The following PUF60 variants were observed in gnomAD, a reference collection of about 807,000 sequenced individuals.
PUF60 encodes the protein poly(U)-binding-splicing factor PUF60.
A neutral mutation model predicts 61.8 loss-of-function variants in PUF60; 10 were observed. The ratio of observed to expected loss-of-function variants is 0.16; its 90% CI spans 0.10 to 0.27. The LOEUF (loss-of-function observed/expected upper bound fraction) is 0.27. Among genes scored for constraint, PUF60 ranks in the 10% least tolerant of loss-of-function variants. The probability of loss-of-function intolerance (pLI) is 1.00; values close to 1 mark genes in which losing one functional copy is unlikely to be tolerated. For synonymous variants in PUF60, 353 were observed against 300.9 expected (o/e 1.17, Z -1.79); for missense variants, 371 against 754.0 (o/e 0.49, Z 5.95).
intron 1 of PUF60, chr8:143,827,671 A>C: frequency 3.1e-6 from 1 of 325,508 alleles, no homozygotes; most frequent in Non-Finnish European, 6.1e-6. Flanking sequence ...GCTACAGCTC[A>C]CTCCTGGAGC....
Position 143,821,485 on chromosome 8 carries a change from G to A in PUF60, c.297+112C>T, listed in dbSNP as rs1817013327. On this transcript the variant is annotated intron_variant, in intron 4 of 11. Transcript: ENST00000526683. ...CGAGCATGAGTCTTTGAGAATCGGA[G>A]CACTGTAACAGCTTGCGGGGACGGC... 4 of 984,366 alleles carry A rather than the reference G, an allele frequency of 4.1e-6. No homozygotes were observed. The East Asian group carries it at 1.0e-4, about 26-fold the overall frequency. 61.0% of individuals were successfully genotyped at this position (984,366 alleles called of 1,614,324 possible). A position where few individuals can be genotyped will look rare whatever the true frequency, so the allele number is the denominator to read the frequency against.
At position 143,818,124 on chromosome 8, in the gene PUF60, C is replaced by A. The variant is rs1261113096; in HGVS notation, c.604-49G>T. 1 of 1,603,632 alleles carries A rather than the reference C, an allele frequency of 6.2e-7. No individual in the cohort carries two copies. Among genetic ancestry groups the A allele is most frequent in the East Asian group, 2.2e-5 (1 of 44,580 alleles). ...AAAGACCGGTCAACCCAGGCCCGGC[C>A]ACAAAAGGCTTCCGTGGAGGGGCAG... On this transcript the variant is annotated intron_variant, in intron 7 of 11. Transcript: ENST00000526683. The surrounding 1 kb of genome is among the most constrained non-coding windows in gnomAD (Gnocchi z 7.9).
At chr8:143,826,159 C>G (rs1817613702) in intron 1 of PUF60, among the ~76,000 whole-genome samples, 1 of 152,238 alleles carries the variant, frequency 6.6e-6, no homozygotes, top group Non-Finnish European at 1.5e-5. Flanking sequence ...CCCCCAGCAC[C>G]AGGCAGCAGT....
At chr8:143,822,670 AC>A in intron 2 of PUF60, 1 of 426,220 alleles carries the variant, frequency 2.3e-6, no homozygotes, top group South Asian at 1.6e-5. Flanking sequence ...GCCACTGCAG[AC>A]CCAAGCTGAT....
Position 143,816,347 on chromosome 8 carries a change from G to A in PUF60, c.*173C>T. 1.4e-6 allele frequency: 1 copy of A among 717,156 alleles called. No individual in the cohort carries two copies. The highest frequency in any genetic ancestry group is 2.2e-6 in the Non-Finnish European group (1 of 444,450). The allele number at this position is 717,156 out of a possible 1,614,324, so 44.4% of individuals were successfully genotyped here. ...CCCTAAGGACACACGCCCAGGATCG[G>A]TGACAGGACCGACGGCAGACACACG... is the stretch of plus-strand genomic sequence containing the variant. On this transcript the variant is annotated 3_prime_UTR_variant, in exon 12 of 12. Transcript: ENST00000526683.
chr8:143,817,202 A>G lies in PUF60; in HGVS notation c.1145-57T>C. ...CTCCCTACCACCCCCCTTCCCAGAA[A>G]GGCACAGAGCTGGCCTGCCCTGGGC... On this transcript the variant is annotated intron_variant, in intron 10 of 11. Coordinates refer to ENST00000526683, the MANE Select transcript of PUF60 (RefSeq NM_078480.3). The surrounding 1 kb of genome is among the most constrained non-coding windows in gnomAD (Gnocchi z 7.4). 1.3e-6 allele frequency: 2 copies of G among 1,532,756 alleles called. No individual in the cohort carries two copies. The highest frequency in any genetic ancestry group is 1.8e-6 in the Non-Finnish European group (2 of 1,137,130). The allele number at this position is 1,532,756 out of a possible 1,614,324, so 94.9% of individuals were successfully genotyped here. A position where few individuals can be genotyped will look rare whatever the true frequency, so the allele number is the denominator to read the frequency against.
chr8:143,828,399 G>A (rs1817883759), intron 1 of PUF60, among the ~76,000 whole-genome samples: 1 of 152,202 alleles, frequency 6.6e-6, no homozygotes, highest in Admixed American at 6.5e-5. Flanking sequence ...GTCCAAAAGG[G>A]GATTAGGTCC....
rs919020347 is a variant in PUF60, at chr8:143,817,291, G to A, written c.1144+40C>T. The A allele has an allele frequency of 1.3e-6, 2 of 1,566,914 alleles. No homozygotes were observed. The highest frequency in any genetic ancestry group is 8.6e-7 in the Non-Finnish European group (1 of 1,159,800). On this transcript the variant is annotated intron_variant, in intron 10 of 11. Transcript: ENST00000526683. This position sits in a 1 kb window ranked among gnomAD's most constrained non-coding sequence, Gnocchi z 7.4. Reference sequence around the variant, plus strand: ...GAGGGCAGCGAGCCGAGAGATGCCAGGACAGGAGAGGAGAGGATCTGGTAC... The same window carrying A: ...GAGGGCAGCGAGCCGAGAGATGCCAAGACAGGAGAGGAGAGGATCTGGTAC...
Position 143,817,464 on chromosome 8 carries a change from T to A in PUF60, c.1011A>T (p.Glu337Asp), listed in dbSNP as rs1334579981. Residue 337 changes from glutamate (E) to aspartate (D), a missense_variant and splice_region_variant, in exon 10 of 12, where the codon GAA (glutamate) becomes GAT (aspartate). Coordinates refer to ENST00000526683, the MANE Select transcript of PUF60 (RefSeq NM_078480.3). The surrounding 1 kb of genome is among the most constrained non-coding windows in gnomAD (Gnocchi z 7.4). Reference sequence around the variant, plus strand: ...CCAGCACCGCTGCTCCGGCCACTGCTTCCTGCAACCCAAAAGGTCACCGTG... The same window carrying A: ...CCAGCACCGCTGCTCCGGCCACTGCATCCTGCAACCCAAAAGGTCACCGTG... Reference protein sequence around the residue: ...AAATAKITAQEAVAGAAVLGT... With the variant: ...AAATAKITAQDAVAGAAVLGT... 1 of 1,609,864 alleles carries A rather than the reference T, an allele frequency of 6.2e-7. No homozygotes were observed. Among genetic ancestry groups the A allele is most frequent in the Non-Finnish European group, 8.5e-7 (1 of 1,178,764 alleles).
At position 143,820,814 on chromosome 8, in the gene PUF60, C is replaced by T. The variant is rs1447872047; in HGVS notation, c.298-98G>A. On this transcript the variant is annotated intron_variant, in intron 4 of 11. Transcript: ENST00000526683. ...AGACAGCGGCAAGGCCCGGAGTCCC[C>T]GCCCTGCCAGGGAGGCCGCCTGCCT... The T allele has an allele frequency of 6.5e-6, 8 of 1,229,578 alleles. No homozygotes were observed. In the East Asian group the frequency reaches 7.0e-5, roughly 11 times the overall value. The allele number at this position is 1,229,578 out of a possible 1,614,324, so 76.2% of individuals were successfully genotyped here.
chr8:143,826,667 C>T (rs935770109), intron 1 of PUF60, among the ~76,000 whole-genome samples: 1 of 152,150 alleles, frequency 6.6e-6, no homozygotes, highest in African/African-American at 2.4e-5. Flanking sequence ...TGCAGTGAGC[C>T]GGGATCACCC....
At position 143,821,903 on chromosome 8, in the gene PUF60, G is replaced by A; in HGVS notation, c.122C>T (p.Ser41Phe). Residue 41 changes from serine (S) to phenylalanine (F), a missense_variant, in exon 3 of 12, where the codon TCC becomes TTC. Physicochemically the swap from Ser to Phe is radical, Grantham distance 155. Coordinates refer to ENST00000526683, the MANE Select transcript of PUF60 (RefSeq NM_078480.3). ...DKWKPPQGTDSIKMENGQSTA... is the reference protein window; with the variant it reads ...DKWKPPQGTDFIKMENGQSTA... The stretch of plus-strand genomic sequence containing the variant: ...GCTCTGCCCGTTCTCCATCTTGATG[G>A]AGTCTGTGCCCTGGTAAGGGAGCAG... 6.2e-7 allele frequency: 1 copy of A among 1,603,062 alleles called. No individual in the cohort carries two copies. The highest frequency in any genetic ancestry group is 8.5e-7 in the Non-Finnish European group (1 of 1,176,208).
intron 2 of PUF60, among the ~76,000 whole-genome samples, 158 bp from the exon 3 acceptor site, chr8:143,822,071 C>CG (rs1349765472): frequency 6.6e-6 from 1 of 152,148 alleles, no homozygotes; most frequent in East Asian, 1.9e-4. Flanking sequence ...CTGTCTCCCC[C>CG]GGGACCCATG....
Position 143,818,884 on chromosome 8 carries a change from A to G in PUF60, c.349-350T>C. On this transcript the variant is annotated intron_variant, in intron 5 of 11. Transcript: ENST00000526683. This position sits in a 1 kb window ranked among gnomAD's most constrained non-coding sequence, Gnocchi z 7.9. The stretch of plus-strand genomic sequence containing the variant: ...GCTGGGTATCCCAGGCTGGGCTGGG[A>G]GATCCTCCCACTGTCCCAGCCAAGG... The G allele has an allele frequency of 3.0e-6, 1 of 331,688 alleles. No individual in the cohort carries two copies. The highest frequency in any genetic ancestry group is 5.6e-6 in the Non-Finnish European group (1 of 179,806). The allele number at this position is 331,688 out of a possible 1,614,324, so 20.5% of individuals were successfully genotyped here.
chr8:143,818,572 CA>C lies in PUF60; in HGVS notation c.349-39del. ...AGAGGGGAGAGAACCGCTGGCTCGTCAGGGGCGGCAGGAAGCTGGGCAGCCC... is the reference window on the plus strand; with the variant it reads ...AGAGGGGAGAGAACCGCTGGCTCGTCGGGGCGGCAGGAAGCTGGGCAGCCC... On this transcript the variant is annotated intron_variant, in intron 5 of 11. Transcript: ENST00000526683. This position sits in a 1 kb window ranked among gnomAD's most constrained non-coding sequence, Gnocchi z 7.9. 1 of 1,526,406 alleles carries C rather than the reference CA, an allele frequency of 6.6e-7. No homozygotes were observed. The highest frequency in any genetic ancestry group is 2.0e-4 in the Middle Eastern group (1 of 5,002). 94.6% of individuals were successfully genotyped at this position (1,526,406 alleles called of 1,614,324 possible).
At chr8:143,825,999 T>G (rs1036743857) in intron 1 of PUF60, among the ~76,000 whole-genome samples, 20 of 152,254 alleles carry the variant, frequency 1.3e-4, no homozygotes, top group African/African-American at 4.8e-4. Context: ...ATGCCATTCC[T>G]GGCAGATGGA....
Position 143,821,766 on chromosome 8 carries a change from G to T in PUF60, c.207+52C>A, listed in dbSNP as rs935629524. 13 of 1,559,046 alleles carry T rather than the reference G, an allele frequency of 8.3e-6. No homozygotes were observed. In the African/African-American group the frequency reaches 1.5e-4, roughly 18 times the overall value. On this transcript the variant is annotated intron_variant, in intron 3 of 11. Coordinates refer to ENST00000526683, the MANE Select transcript of PUF60 (RefSeq NM_078480.3). ...TGCCCCGCACCCCGCCCCTGCCCCT[G>T]CCCCCAGTTGACTGTCCCACACCTG...
chr8:143,825,392 C>T (rs1238045451), intron 1 of PUF60, among the ~76,000 whole-genome samples: 1 of 152,232 alleles, frequency 6.6e-6, no homozygotes, highest in Non-Finnish European at 1.5e-5. Context: ...CCTGGAGCTG[C>T]TCCCAATGCT....
At chr8:143,819,565 G>A (rs766421453) in intron 5 of PUF60, among the ~76,000 whole-genome samples, 7 of 152,116 alleles carry the variant, frequency 4.6e-5, no homozygotes, top group Admixed American at 6.5e-5. Flanking sequence ...TCCCCATCCC[G>A]TGGAGAGGGG....
Sources: gnomAD v4.1 joint callset for allele counts (sites outside exome capture counted in the v4.1 genomes callset) on GRCh38, gnomAD v4.1.1 for gene constraint, Gnocchi (gnomAD v3.1) non-coding constraint, MANE v1.5 for transcripts, NCBI Gene and HGNC (gene_info 2026-07-23, HGNC 2026-07-21) for gene names.